The following KIAA2013 variants were observed in gnomAD, a reference collection of about 807,000 sequenced individuals.
KIAA2013 encodes KIAA2013, also known as uncharacterized protein KIAA2013.
Under a neutral mutation model 39.9 loss-of-function variants are expected in KIAA2013, and 20 were observed. That is an observed-to-expected ratio of 0.50 (90% confidence interval 0.35 to 0.73). The LOEUF is 0.73. Ranked by LOEUF, KIAA2013 falls within the 30% of genes least tolerant of loss-of-function variation. The probability of loss-of-function intolerance (pLI) is 0.01; values close to 1 mark genes in which losing one functional copy is unlikely to be tolerated. For missense variants in KIAA2013, 587 were observed against 856.1 expected (o/e 0.69, Z 3.92); for synonymous variants, 336 against 416.6 (o/e 0.81, Z 2.35).
At position 11,925,718 on chromosome 1, in the gene KIAA2013, C is replaced by T; in HGVS notation, c.520G>A (p.Val174Ile). ...CCGGACCCCGCGGCAAGGCCAGAGA[C>T]GGAGGCGGGCCCGGGGCCGGCGGCC... is the stretch of plus-strand genomic sequence containing the variant. ...PVAAGPGPASVSGLAAGSGRD... is the reference protein window; with the variant it reads ...PVAAGPGPASISGLAAGSGRD... Residue 174 changes from valine to isoleucine, a missense_variant, in exon 1 of 3, where the codon GTC becomes ATC. Val to Ile is a conservative substitution (Grantham distance 29, BLOSUM62 3). Coordinates refer to ENST00000376572, the MANE Select transcript of KIAA2013 (RefSeq NM_138346.3). The surrounding 1 kb of genome is among the most constrained non-coding windows in gnomAD (Gnocchi z 5.2). 1.3e-6 allele frequency: 2 copies of T among 1,569,842 alleles called. No individual in the cohort carries two copies. The highest frequency in any genetic ancestry group is 1.3e-5 in the African/African-American group (1 of 74,320).
rs529518973 is a variant in KIAA2013, at chr1:11,921,853, T to C, written c.1887+783A>G. Among the ~76,000 whole-genome samples the C allele has an allele frequency of 2.6e-5, 4 of 151,340 alleles. No individual in the cohort carries two copies. In the East Asian group the frequency reaches 7.8e-4, roughly 30 times the overall value. ...GCATGAGCCACTGCACCCAGCCTCA[T>C]TATTATTATTTTTAGACAGGGTCTC... is the stretch of plus-strand genomic sequence containing the variant. On this transcript the variant is annotated intron_variant, in intron 2 of 2. Coordinates refer to ENST00000376572, the MANE Select transcript of KIAA2013 (RefSeq NM_138346.3).
chr1:11,924,447 G>A (rs1645493671), intron 1 of KIAA2013, among the ~76,000 whole-genome samples: 1 of 151,906 alleles, frequency 6.6e-6, no homozygotes, highest in African/African-American at 2.4e-5. Context: ...CTTTTCTAAT[G>A]TCTGTCTTCC....
rs147747540 is a variant in KIAA2013, at chr1:11,920,278, G to C, written c.*37C>G. On this transcript the variant is annotated 3_prime_UTR_variant, in exon 3 of 3. Transcript: ENST00000376572. ...CGGGACTTTCAGTGCTGGGTGTCTT[G>C]TGCAAATGGTGGCTGAAAGCAGGAC... 4.6e-4 allele frequency: 744 copies of C among 1,612,170 alleles called. 1 individual carries two copies. The African/African-American group carries it at 5.1e-3, about 11-fold the overall frequency.
In KIAA2013 at chr1:11,922,577, G is replaced by A. The variant is rs879140070; in HGVS notation, c.1887+59C>T. On this transcript the variant is annotated intron_variant, in intron 2 of 2. Coordinates refer to ENST00000376572, the MANE Select transcript of KIAA2013 (RefSeq NM_138346.3). ...CCCTCGCCAGGCTAGCCCCTTCCGA[G>A]ACACAGGGCTGAGAGCAAGGCCAAG... is the stretch of plus-strand genomic sequence containing the variant. 5.0e-6 allele frequency: 8 copies of A among 1,593,614 alleles called. No homozygotes were observed. In the South Asian group the frequency reaches 5.7e-5, roughly 11 times the overall value.
chr1:11,921,427 G>A (rs1442329108), intron 2 of KIAA2013, among the ~76,000 whole-genome samples: 1 of 152,176 alleles, frequency 6.6e-6, no homozygotes, highest in Non-Finnish European at 1.5e-5. Context: ...GCTGACCTCT[G>A]CATGCCATGA....
At position 11,923,052 on chromosome 1, in the gene KIAA2013, C is replaced by T. The variant is rs752571487; in HGVS notation, c.1471G>A (p.Asp491Asn). The change falls in exon 2 of 3, where the codon GAC (aspartate) becomes AAC (asparagine). Residue 491 changes from aspartate (D) to asparagine (N), a missense_variant. By Grantham distance (23) the Asp-to-Asn change is conservative. Coordinates refer to ENST00000376572, the MANE Select transcript of KIAA2013 (RefSeq NM_138346.3). The surrounding 1 kb of genome is among the most constrained non-coding windows in gnomAD (Gnocchi z 4.6). ...YALHGIRYKN[D>N]HINLAVLADA... The stretch of plus-strand genomic sequence containing the variant: ...GCCAGCACGGCCAGGTTGATATGGT[C>T]GTTCTTGTAGCGGATGCCATGCAAT... The T allele has an allele frequency of 9.2e-5, 149 of 1,611,068 alleles. No homozygotes were observed. Among genetic ancestry groups the T allele is most frequent in the Non-Finnish European group, 1.2e-4 (143 of 1,177,642 alleles).
At chr1:11,920,421 G>A in intron 2 of KIAA2013, 89 bp from the exon 3 acceptor site, 1 of 1,334,502 alleles carries the variant, frequency 7.5e-7, no homozygotes, top group Non-Finnish European at 1.1e-6. Flanking sequence ...CAACCCTAGT[G>A]GCACCACACC....
chr1:11,925,614 G>C lies in KIAA2013; in HGVS notation c.624C>G (p.Leu208=), dbSNP rs1314678894. Reference sequence around the variant, plus strand: ...CGGCCACGCGCTCCGTGGGGTTGTTGAGCTGGATGCGCTGCAGGTAGACGT... The same window carrying C: ...CGGCCACGCGCTCCGTGGGGTTGTTCAGCTGGATGCGCTGCAGGTAGACGT... ...RPHVYLQRIQ[L]NNPTERVAAL... Residue 208 remains leucine (L), a synonymous_variant, in exon 1 of 3, where the codon CTC becomes CTG. Transcript: ENST00000376572. The surrounding 1 kb of genome is among the most constrained non-coding windows in gnomAD (Gnocchi z 5.2). 7 of 1,609,740 alleles carry C rather than the reference G, an allele frequency of 4.3e-6. No individual in the cohort carries two copies. The highest frequency in any genetic ancestry group is 2.1e-4 in the Middle Eastern group (1 of 4,676).
At position 11,922,713 on chromosome 1, in the gene KIAA2013, G is replaced by T; in HGVS notation, c.1810C>A (p.Leu604Ile). 8 of 1,613,802 alleles carry T rather than the reference G, an allele frequency of 5.0e-6. No individual in the cohort carries two copies. The highest frequency in any genetic ancestry group is 6.8e-6 in the Non-Finnish European group (8 of 1,179,874). ...FWFSVASLITLFHLFLFKLIY... is the reference protein window; with the variant it reads ...FWFSVASLITIFHLFLFKLIY... ...AGCTTGAAGAGGAAGAGGTGGAAGA[G>T]GGTGATTAGGGAGGCCACGCTGAAC... The change falls in exon 2 of 3, where the codon CTC becomes ATC. Residue 604 changes from leucine (L) to isoleucine (I), a missense_variant. Physicochemically the swap from Leu to Ile is conservative, Grantham distance 5 (BLOSUM62 2). Coordinates refer to ENST00000376572, the MANE Select transcript of KIAA2013 (RefSeq NM_138346.3).
intron 1 of KIAA2013, among the ~76,000 whole-genome samples, chr1:11,924,445 A>G (rs1244442748): frequency 6.6e-6 from 1 of 151,908 alleles, no homozygotes; most frequent in Non-Finnish European, 1.5e-5. Flanking sequence ...CACTTTTCTA[A>G]TGTCTGTCTT....
chr1:11,922,712 AG>A lies in KIAA2013; in HGVS notation c.1810del (p.Leu604SerfsTer33). 1 of 1,613,814 alleles carries A rather than the reference AG, an allele frequency of 6.2e-7. No homozygotes were observed. Among genetic ancestry groups the A allele is most frequent in the Non-Finnish European group, 8.5e-7 (1 of 1,179,884 alleles). On this transcript the variant is annotated frameshift_variant, in exon 2 of 3. Coordinates refer to ENST00000376572, the MANE Select transcript of KIAA2013 (RefSeq NM_138346.3). LOFTEE classifies it high-confidence loss of function. ...GAGCTTGAAGAGGAAGAGGTGGAAGAGGGTGATTAGGGAGGCCACGCTGAAC... is the reference window on the plus strand; with the variant it reads ...GAGCTTGAAGAGGAAGAGGTGGAAGAGGTGATTAGGGAGGCCACGCTGAAC... ...FWFSVASLIT[L>X]FHLFLFKLIY...
chr1:11,920,679 G>A (rs1287163514), intron 2 of KIAA2013, among the ~76,000 whole-genome samples: 8 of 152,214 alleles, frequency 5.3e-5, no homozygotes, highest in South Asian at 2.1e-4. Context: ...CCAAACAGAC[G>A]GCAAAACCCA....
chr1:11,920,869 G>A (rs1307285836), intron 2 of KIAA2013, among the ~76,000 whole-genome samples: 2 of 152,148 alleles, frequency 1.3e-5, no homozygotes, highest in African/African-American at 2.4e-5. Flanking sequence ...CCAAGTCCTG[G>A]TCTTGGGCCA....
chr1:11,920,942 G>C (rs551418393), intron 2 of KIAA2013, among the ~76,000 whole-genome samples: 138 of 152,284 alleles, frequency 9.1e-4, no homozygotes, highest in Non-Finnish European at 3.7e-4. Context: ...CTCCAGGGTG[G>C]GATCTGGGCT....
At chr1:11,924,297 G>A (rs913278088) in intron 1 of KIAA2013, among the ~76,000 whole-genome samples, 3 of 147,688 alleles carry the variant, frequency 2.0e-5, no homozygotes, top group Admixed American at 6.8e-5. Flanking sequence ...TCGCCACGTT[G>A]GCCAGGTTGG....
intron 2 of KIAA2013, among the ~76,000 whole-genome samples, chr1:11,920,934 C>T (rs1320805481): frequency 6.6e-6 from 1 of 152,140 alleles, no homozygotes; most frequent in Non-Finnish European, 1.5e-5. Flanking sequence ...TCCCATTTCT[C>T]CAGGGTGGGA....
In KIAA2013 at chr1:11,919,852, T is replaced by C. The variant is rs3209284; in HGVS notation, c.*463A>G. Reference sequence around the variant, plus strand: ...ACCGTGGGGCCTCCGAACGCCGAGATGGACATCACCGCCAACACTCACCAT... The same window carrying C: ...ACCGTGGGGCCTCCGAACGCCGAGACGGACATCACCGCCAACACTCACCAT... On this transcript the variant is annotated 3_prime_UTR_variant, in exon 3 of 3. Coordinates refer to ENST00000376572, the MANE Select transcript of KIAA2013 (RefSeq NM_138346.3). 113,214 of 180,362 alleles carry C rather than the reference T, an allele frequency of 0.63. 36,914 individuals carry two copies. The highest frequency in any genetic ancestry group is 0.8 in the African/African-American group (33,264 of 41,736). The allele number at this position is 180,362 out of a possible 1,614,324, so 11.2% of individuals were successfully genotyped here.
chr1:11,924,697 GGGC>G (rs1296354648), intron 1 of KIAA2013, among the ~76,000 whole-genome samples: 2 of 152,040 alleles, frequency 1.3e-5, no homozygotes, highest in African/African-American at 2.4e-5. Context: ...AGTTTTCATC[GGGC>G]GGGAGCATCT....
chr1:11,923,091 G>A lies in KIAA2013; in HGVS notation c.1432C>T (p.His478Tyr), dbSNP rs1472070629. The A allele has an allele frequency of 4.3e-6, 7 of 1,610,846 alleles. No individual in the cohort carries two copies. Among genetic ancestry groups the A allele is most frequent in the Non-Finnish European group, 4.2e-6 (5 of 1,177,506 alleles). The change falls in exon 2 of 3, where the codon CAC becomes TAC. Residue 478 changes from histidine (H) to tyrosine (Y), a missense_variant. Physicochemically the swap from His to Tyr is moderately conservative, Grantham distance 83. Transcript: ENST00000376572. The surrounding 1 kb of genome is among the most constrained non-coding windows in gnomAD (Gnocchi z 4.6). Reference protein sequence around the residue: ...LQFQADPDVLHNSYALHGIRY... With the variant: ...LQFQADPDVLYNSYALHGIRY... Reference sequence around the variant, plus strand: ...ATGCCATGCAATGCATAGCTGTTGTGCAGCACGTCGGGGTCGGCCTGGAAC... The same window carrying A: ...ATGCCATGCAATGCATAGCTGTTGTACAGCACGTCGGGGTCGGCCTGGAAC...
Sources: gnomAD v4.1 joint callset for allele counts (sites outside exome capture counted in the v4.1 genomes callset) on GRCh38, gnomAD v4.1.1 for gene constraint, Gnocchi (gnomAD v3.1) non-coding constraint, MANE v1.5 for transcripts, NCBI Gene and HGNC (gene_info 2026-07-23, HGNC 2026-07-21) for gene names.